Variants in ELAVL2 observed in about 807,000 individuals in gnomAD.
ELAVL2 encodes ELAV like RNA binding protein 2.
Under a neutral mutation model 34.6 loss-of-function variants are expected in ELAVL2, and 4 were observed. That is an observed-to-expected ratio of 0.12 (90% CI 0.06 to 0.26). The LOEUF is 0.26. ELAVL2 is among the 10% of genes least tolerant of loss of function. ELAVL2 has a pLI of 1.00. For synonymous variants in ELAVL2, 193 were observed against 154.8 expected (o/e 1.25, Z -1.83); for missense variants, 432 against 442.8 (o/e 0.98, Z 0.22).
intron 2 of ELAVL2, among the ~76,000 whole-genome samples, chr9:23,741,048 A>T (rs948475112): frequency 6.6e-6 from 1 of 152,220 alleles, no homozygotes; most frequent in Non-Finnish European, 1.5e-5. Context: ...GCACCTAATG[A>T]ACATGAAATA....
chr9:23,695,129 G>A (rs550806901), intron 5 of ELAVL2, among the ~76,000 whole-genome samples: 52 of 152,236 alleles, frequency 3.4e-4, no homozygotes, highest in East Asian at 3.9e-4. Flanking sequence ...TGCCTTTATA[G>A]TCAAGAATAA....
upstream of ELAVL2, among the ~76,000 whole-genome samples, chr9:23,827,044 A>C (rs371707681): frequency 1.1e-4 from 17 of 152,308 alleles, no homozygotes; most frequent in South Asian, 2.1e-4. Context: ...GTGTAGGATA[A>C]ATATCCTATC....
the ELAVL2 span, among the ~76,000 whole-genome samples, chr9:23,842,736 C>T: frequency 3.9e-5 from 6 of 152,062 alleles, no homozygotes; most frequent in South Asian, 2.1e-4. Context: ...CACTAGAGGA[C>T]TCCTCTCAGA....
intron 3 of ELAVL2, among the ~76,000 whole-genome samples, chr9:23,708,119 C>CA (rs774492375): frequency 1.3e-5 from 2 of 152,008 alleles, no homozygotes; most frequent in Non-Finnish European, 2.9e-5. Context: ...AAAAAGGCTC[C>CA]AAGACAAACC....
chr9:23,765,068 G>A, intron 1 of ELAVL2: 1 of 1,608,670 alleles, frequency 6.2e-7, no homozygotes, highest in South Asian at 1.1e-5. Flanking sequence ...ACATCACACA[G>A]TCTGACTGCC....
rs1216145160 is a variant in ELAVL2 at position 23,755,599 on chromosome 9, C to T, written c.229+6407G>A. On this transcript the variant is annotated intron_variant, in intron 2 of 6. Transcript: ENST00000397312. Reference sequence around the variant, plus strand: ...GTTCCAAAAATAGAGGTTCCACAAACTTGACACAAATTTCATTTTATACAA... The same window carrying T: ...GTTCCAAAAATAGAGGTTCCACAAATTTGACACAAATTTCATTTTATACAA... Among the ~76,000 whole-genome samples, 4 of 152,300 alleles carry T rather than the reference C, an allele frequency of 2.6e-5. No individual in the cohort carries two copies. The East Asian group carries it at 7.7e-4, about 29-fold the overall frequency.
At chr9:23,822,398 G>A (rs1482995809) in intron 1 of ELAVL2, among the ~76,000 whole-genome samples, 1 of 152,090 alleles carries the variant, frequency 6.6e-6, no homozygotes, top group Non-Finnish European at 1.5e-5. Context: ...CAAACGCAAA[G>A]TAGGAAATCC....
intron 1 of ELAVL2, among the ~76,000 whole-genome samples, chr9:23,791,494 G>C (rs757927557): frequency 6.6e-6 from 1 of 152,112 alleles, no homozygotes; most frequent in South Asian, 2.1e-4. Flanking sequence ...AGTTTCAGTA[G>C]AAACGGTACT....
intron 1 of ELAVL2, among the ~76,000 whole-genome samples, chr9:23,806,446 G>A (rs1303511711): frequency 6.6e-6 from 1 of 151,864 alleles, no homozygotes; most frequent in East Asian, 1.9e-4. Flanking sequence ...GACAAGCCTG[G>A]GTAAGATGGT....
intron 1 of ELAVL2, among the ~76,000 whole-genome samples, chr9:23,817,880 ATCTTT>A (rs1249765805): frequency 2.6e-5 from 4 of 151,572 alleles, no homozygotes; most frequent in African/African-American, 9.7e-5. Context: ...TAAAACACTT[ATCTTT>A]TAATATGTAA....
chr9:23,822,528 G>C (rs1185819729), intron 1 of ELAVL2, among the ~76,000 whole-genome samples: 1 of 152,130 alleles, frequency 6.6e-6, no homozygotes, highest in Admixed American at 6.5e-5. Context: ...GCCTTGGCCC[G>C]CCCCTTCGCC....
intron 1 of ELAVL2, among the ~76,000 whole-genome samples, chr9:23,819,184 A>C (rs901538113): frequency 6.6e-6 from 1 of 152,162 alleles, no homozygotes; most frequent in Non-Finnish European, 1.5e-5. Context: ...GTGTATAAAT[A>C]ATCAAAAGGT....
intron 1 of ELAVL2, among the ~76,000 whole-genome samples, chr9:23,780,134 T>TA (rs2058862155): frequency 6.6e-6 from 1 of 151,728 alleles, no homozygotes; most frequent in South Asian, 2.1e-4. Flanking sequence ...ACACATAACT[T>TA]AGGTTGATTC....
At chr9:23,715,545 G>A (rs1224273146) in intron 3 of ELAVL2, among the ~76,000 whole-genome samples, 1 of 152,192 alleles carries the variant, frequency 6.6e-6, no homozygotes, top group Admixed American at 6.5e-5. Context: ...AAACAACGCA[G>A]GCTAAATTGG....
intron 1 of ELAVL2, among the ~76,000 whole-genome samples, chr9:23,791,978 T>A (rs963214385): frequency 1.3e-5 from 2 of 152,182 alleles, no homozygotes; most frequent in Admixed American, 6.5e-5. Flanking sequence ...GAACCTTAGG[T>A]ATGCAAATAG....
At chr9:23,782,116 C>T (rs1279699033) in intron 1 of ELAVL2, among the ~76,000 whole-genome samples, 3 of 152,236 alleles carry the variant, frequency 2.0e-5, no homozygotes, top group East Asian at 3.9e-4. Flanking sequence ...CCACCATGCC[C>T]GACCAAGAAG....
intron 3 of ELAVL2, among the ~76,000 whole-genome samples, chr9:23,727,487 G>T (rs1257310868): frequency 1.3e-5 from 2 of 152,074 alleles, no homozygotes; most frequent in Non-Finnish European, 2.9e-5. Flanking sequence ...AATGCTAGAA[G>T]ACAAACTGAA....
chr9:23,762,514 C>G (rs909290754), intron 1 of ELAVL2, among the ~76,000 whole-genome samples: 2 of 152,098 alleles, frequency 1.3e-5, no homozygotes, highest in African/African-American at 4.8e-5. Context: ...GAATCACATT[C>G]TGGGTCTATT....
At chr9:23,798,537 G>A in intron 1 of ELAVL2, among the ~76,000 whole-genome samples, 1 of 152,336 alleles carries the variant, frequency 6.6e-6, no homozygotes, top group African/African-American at 2.4e-5. Context: ...GCCTGGCACA[G>A]AGAAGCAGCC....
Sources: allele counts gnomAD v4.1 joint callset (sites outside exome capture counted in the v4.1 genomes callset), GRCh38; gene constraint gnomAD v4.1.1; transcripts MANE v1.5; gene names NCBI Gene and HGNC (gene_info 2026-07-23, HGNC 2026-07-21).